UBE3D: variants seen among roughly 807,000 people sequenced by gnomAD.
The protein encoded by UBE3D is ubiquitin protein ligase E3D.
UBE3D carries 48 observed loss-of-function variants against 49.6 expected under a neutral mutation model. The observed-to-expected ratio is 0.97, with a 90% CI of 0.77 to 1.23. The LOEUF (loss-of-function observed/expected upper bound fraction) is 1.23, where lower values mean the gene tolerates loss of function less well. UBE3D is among the 50% of genes most tolerant of loss of function. The pLI is 0.00. For missense variants in UBE3D, 452 were observed against 468.4 expected (o/e 0.96, Z 0.32); for synonymous variants, 189 against 174.2 (o/e 1.08, Z -0.67).
chr6:82,970,825 C>T (rs997115685), intron 8 of UBE3D, among the ~76,000 whole-genome samples: 1 of 151,862 alleles, frequency 6.6e-6, no homozygotes, highest in Non-Finnish European at 1.5e-5. Context: ...GGTGACAGAG[C>T]AAGACTCTGT....
At chr6:83,025,496 C>T (rs944407519) in intron 5 of UBE3D, among the ~76,000 whole-genome samples, 3 of 151,662 alleles carry the variant, frequency 2.0e-5, no homozygotes, top group African/African-American at 7.3e-5. Flanking sequence ...GCTGGATACG[C>T]TTATTTATAT....
intron 8 of UBE3D, among the ~76,000 whole-genome samples, chr6:83,012,480 AC>A (rs1780409106): frequency 6.6e-6 from 1 of 152,220 alleles, no homozygotes; most frequent in Non-Finnish European, 1.5e-5. Context: ...CATCCCTGCC[AC>A]CATGGGCACT....
chr6:82,921,513 C>T (rs747217190), intron 9 of UBE3D, among the ~76,000 whole-genome samples: 1 of 152,160 alleles, frequency 6.6e-6, no homozygotes, highest in Non-Finnish European at 1.5e-5. Context: ...CTTCTTCCTC[C>T]ATACCACTCG....
chr6:83,050,135 C>T (rs1171413583), intron 3 of UBE3D, among the ~76,000 whole-genome samples: 1 of 151,744 alleles, frequency 6.6e-6, no homozygotes, highest in African/African-American at 2.4e-5. Flanking sequence ...CTATAATTAG[C>T]AGATATCATG....
intron 8 of UBE3D, among the ~76,000 whole-genome samples, chr6:82,966,792 T>C (rs1397331310): frequency 6.6e-6 from 1 of 152,198 alleles, no homozygotes; most frequent in Non-Finnish European, 1.5e-5. Flanking sequence ...ATAGATCTAT[T>C]CAGCTCTTTC....
At chr6:82,958,835 A>G (rs957136896) in intron 8 of UBE3D, among the ~76,000 whole-genome samples, 2 of 152,246 alleles carry the variant, frequency 1.3e-5, no homozygotes, top group Non-Finnish European at 2.9e-5. Flanking sequence ...CAAGTAAGTG[A>G]AGTCCAAGGA....
At chr6:83,006,332 A>T (rs958439890) in intron 8 of UBE3D, among the ~76,000 whole-genome samples, 1 of 152,172 alleles carries the variant, frequency 6.6e-6, no homozygotes, top group African/African-American at 2.4e-5. Flanking sequence ...GTATTTGGAG[A>T]TAGGACCCTG....
chr6:82,882,988 G>A, the UBE3D span, among the ~76,000 whole-genome samples: 1 of 152,054 alleles, frequency 6.6e-6, no homozygotes, highest in African/African-American at 2.4e-5. Flanking sequence ...AGAGATAAAT[G>A]GCCACTTTAC....
chr6:82,890,322 C>A (rs1770957832), downstream of UBE3D, among the ~76,000 whole-genome samples: 2 of 152,226 alleles, frequency 1.3e-5, no homozygotes, highest in South Asian at 4.1e-4. Context: ...TCCCTTCATG[C>A]CCTATAGCCC....
chr6:82,900,727 G>C (rs1771669731), intron 9 of UBE3D, among the ~76,000 whole-genome samples: 1 of 152,130 alleles, frequency 6.6e-6, no homozygotes, highest in Non-Finnish European at 1.5e-5. Flanking sequence ...GTGGCCCTGA[G>C]GCCAGGGCTG....
intron 8 of UBE3D, among the ~76,000 whole-genome samples, chr6:83,010,501 T>A (rs1446598973): frequency 2.0e-5 from 3 of 152,184 alleles, no homozygotes; most frequent in Admixed American, 6.5e-5. Flanking sequence ...AACAATTTTT[T>A]AAAAAGTAAA....
intron 8 of UBE3D, among the ~76,000 whole-genome samples, chr6:82,999,348 T>A (rs913238888): frequency 6.6e-6 from 1 of 152,050 alleles, no homozygotes; most frequent in East Asian, 1.9e-4. Context: ...ACCTTCTTTC[T>A]CATGTGTAAT....
intron 9 of UBE3D, among the ~76,000 whole-genome samples, chr6:82,931,488 C>A (rs1774151099): frequency 6.6e-6 from 1 of 152,242 alleles, no homozygotes; most frequent in African/African-American, 2.4e-5. Context: ...AGGAGGGGGG[C>A]TGTACCCTGC....
chr6:83,040,526 C>T (rs186639120), intron 4 of UBE3D, among the ~76,000 whole-genome samples: 13 of 152,220 alleles, frequency 8.5e-5, no homozygotes, highest in East Asian at 5.8e-4. Flanking sequence ...TAAAAAAATC[C>T]GTAAATGCCT....
chr6:82,932,717 C>A (rs1367666085), intron 9 of UBE3D: 4 of 152,070 alleles, frequency 2.6e-5, no homozygotes, highest in Non-Finnish European at 5.9e-5. Flanking sequence ...GTATTCTCTG[C>A]CTATAAGTAA....
At chr6:83,003,143 T>C (rs1181410609) in intron 8 of UBE3D, among the ~76,000 whole-genome samples, 1 of 152,184 alleles carries the variant, frequency 6.6e-6, no homozygotes, top group Non-Finnish European at 1.5e-5. Context: ...TTAAGACAAC[T>C]ACTTCAGGTC....
At chr6:83,015,579 TTC>T (rs1780642198) in intron 8 of UBE3D, among the ~76,000 whole-genome samples, 1 of 152,188 alleles carries the variant, frequency 6.6e-6, no homozygotes, top group African/African-American at 2.4e-5. Context: ...TTTTCCAGAT[TTC>T]TGTTTATATA....
rs143403921 is a variant in UBE3D at position 82,957,329 on chromosome 6, G to A, written c.1132C>T (p.Arg378Cys). 434 of 1,613,730 alleles carry A rather than the reference G, an allele frequency of 2.7e-4. No homozygotes were observed. The highest frequency in any genetic ancestry group is 8.6e-4 in the South Asian group (78 of 90,996). Residue 378 changes from arginine (R) to cysteine (C), a missense_variant, in exon 9 of 10, where the codon CGT becomes TGT. Transcript: ENST00000369747. The stretch of plus-strand genomic sequence containing the variant: ...TTGCTCACCTGAAAGGAATTCACAC[G>A]GCGAAGGGATGAAGGCAGATTGGCA... ...SNANLPSSLR[R>C]VNSFQVAFLK...
chr6:83,055,710 GA>G (rs1195511231), intron 2 of UBE3D, among the ~76,000 whole-genome samples: 1 of 152,140 alleles, frequency 6.6e-6, no homozygotes, highest in East Asian at 1.9e-4. Context: ...GTCACAGTTT[GA>G]CACTCAAAAT....
Sources: gnomAD v4.1 joint callset for allele counts (sites outside exome capture counted in the v4.1 genomes callset) on GRCh38, gnomAD v4.1.1 for gene constraint, MANE v1.5 for transcripts, NCBI Gene and HGNC (gene_info 2026-07-23, HGNC 2026-07-21) for gene names.